KDM4C: variants seen among roughly 807,000 people sequenced by gnomAD.
The protein encoded by KDM4C is lysine demethylase 4C.
A neutral mutation model predicts 129.3 loss-of-function variants in KDM4C; 81 were observed. That is an observed-to-expected ratio of 0.63 (90% CI 0.52 to 0.75). The LOEUF is 0.75. KDM4C is among the 30% of genes least tolerant of loss of function. KDM4C has a pLI of 0.00. For synonymous variants in KDM4C, 573 were observed against 456.1 expected, an observed-to-expected ratio of 1.26 and a Z score of -3.26; for missense variants, 1,457 against 1,304.0, an observed-to-expected ratio of 1.12 and a Z score of -1.81.
chr9:7,026,351 C>G (rs938471191), intron 15 of KDM4C, among the ~76,000 whole-genome samples: 4 of 151,964 alleles, frequency 2.6e-5, no homozygotes, highest in African/African-American at 7.2e-5. Context: ...ACCAGATATA[C>G]TATTTTAGGG....
chr9:7,077,055 G>A, intron 17 of KDM4C: 2 of 985,450 alleles, frequency 2.0e-6, no homozygotes, highest in Non-Finnish European at 2.4e-6. Flanking sequence ...AACGTATTTT[G>A]AGTTTAGGTG....
intron 15 of KDM4C, among the ~76,000 whole-genome samples, chr9:7,021,354 AG>A (rs1373157364): frequency 1.3e-5 from 2 of 151,992 alleles, no homozygotes; most frequent in Non-Finnish European, 2.9e-5. Context: ...CATGTTGGCC[AG>A]GCTGGTCTCG....
intron 19 of KDM4C, among the ~76,000 whole-genome samples, chr9:7,151,972 G>A (rs1224614998): frequency 2.6e-5 from 4 of 152,202 alleles, no homozygotes; most frequent in African/African-American, 9.7e-5. Flanking sequence ...TTTAGGCTGC[G>A]AGATAACCTC....
intron 12 of KDM4C, among the ~76,000 whole-genome samples, chr9:6,991,022 A>T (rs919290433): frequency 2.0e-5 from 3 of 152,080 alleles, no homozygotes; most frequent in Admixed American, 2.0e-4. Flanking sequence ...GCTGGATGTA[A>T]CGCAGTTTCA....
intron 8 of KDM4C, among the ~76,000 whole-genome samples, chr9:6,940,821 C>T (rs59337249): frequency 1.3e-5 from 2 of 151,982 alleles, no homozygotes; most frequent in East Asian, 3.9e-4. Flanking sequence ...GATAATGTAC[C>T]CTTGATTCTA....
intron 3 of KDM4C, among the ~76,000 whole-genome samples, chr9:6,813,124 G>A (rs191878723): frequency 7.5e-4 from 114 of 152,174 alleles, no homozygotes; most frequent in South Asian, 1.5e-3. Flanking sequence ...TCAGTGAGCC[G>A]AGATCGTGCC....
intron 8 of KDM4C, among the ~76,000 whole-genome samples, chr9:6,894,812 T>C (rs1846602811): frequency 6.6e-6 from 1 of 152,180 alleles, no homozygotes; most frequent in Non-Finnish European, 1.5e-5. Flanking sequence ...TGTTGCACTG[T>C]GGTGGAGGAG....
intron 8 of KDM4C, among the ~76,000 whole-genome samples, chr9:6,894,049 G>GT (rs1410783083): frequency 6.6e-6 from 1 of 152,160 alleles, no homozygotes; most frequent in African/African-American, 2.4e-5. Flanking sequence ...TAAATAAAGC[G>GT]TATGTGGTCT....
chr9:7,041,270 T>A (rs373672708), intron 15 of KDM4C, among the ~76,000 whole-genome samples: 6 of 152,050 alleles, frequency 3.9e-5, no homozygotes, highest in Admixed American at 2.0e-4. Context: ...TTAAGTATTA[T>A]AAGTAATCTA....
intron 17 of KDM4C, among the ~76,000 whole-genome samples, chr9:7,088,868 G>C (rs1287893663): frequency 3.9e-5 from 6 of 152,186 alleles, no homozygotes; most frequent in African/African-American, 1.4e-4. Flanking sequence ...AAAAAAAGCT[G>C]TTTCCATAGC....
chr9:6,767,402 A>G (rs956947105), intron 1 of KDM4C, among the ~76,000 whole-genome samples: 8 of 151,070 alleles, frequency 5.3e-5, no homozygotes, highest in African/African-American at 2.0e-4. Flanking sequence ...CAGCCTCCCA[A>G]AGTGTTGGGA....
intron 17 of KDM4C, among the ~76,000 whole-genome samples, chr9:7,059,880 T>C (rs563950546): frequency 6.6e-6 from 1 of 152,260 alleles, no homozygotes; most frequent in South Asian, 2.1e-4. Context: ...TATATATTTT[T>C]AAAAATTTCC....
chr9:7,106,324 A>G (rs1010604810), intron 18 of KDM4C, among the ~76,000 whole-genome samples: 1 of 152,248 alleles, frequency 6.6e-6, no homozygotes, highest in African/African-American at 2.4e-5. Flanking sequence ...TGCTTCTTAG[A>G]GCAGAAACTG....
chr9:7,171,916 A>G (rs1352620687), intron 21 of KDM4C, among the ~76,000 whole-genome samples: 2 of 152,188 alleles, frequency 1.3e-5, no homozygotes, highest in Non-Finnish European at 2.9e-5. Flanking sequence ...CGGCTAAGCC[A>G]AGTAGAAAAT....
At chr9:6,884,233 G>T (rs575658548) in intron 6 of KDM4C, among the ~76,000 whole-genome samples, 3 of 152,102 alleles carry the variant, frequency 2.0e-5, no homozygotes, top group Non-Finnish European at 4.4e-5. Context: ...TAACCACTCC[G>T]TGAACGTTAG....
chr9:6,798,627 C>T (rs1278849872), intron 2 of KDM4C, among the ~76,000 whole-genome samples: 2 of 152,194 alleles, frequency 1.3e-5, no homozygotes, highest in African/African-American at 2.4e-5. Flanking sequence ...GAAAAGTCTC[C>T]CATGTCTACT....
intron 1 of KDM4C, among the ~76,000 whole-genome samples, chr9:6,787,536 G>C (rs1234633334): frequency 6.6e-6 from 1 of 152,222 alleles, no homozygotes; most frequent in Non-Finnish European, 1.5e-5. Flanking sequence ...CCCAGGCCCA[G>C]AGCCATTCTT....
intron 18 of KDM4C, among the ~76,000 whole-genome samples, chr9:7,106,766 G>T (rs1004134538): frequency 6.6e-6 from 1 of 152,070 alleles, no homozygotes; most frequent in African/African-American, 2.4e-5. Flanking sequence ...AAGTGCCGGA[G>T]TTGTAGGTGT....
chr9:7,073,459 A>T (rs977667572), intron 17 of KDM4C, among the ~76,000 whole-genome samples: 1 of 152,326 alleles, frequency 6.6e-6, no homozygotes, highest in Non-Finnish European at 1.5e-5. Flanking sequence ...CCCAACTCCC[A>T]TGTTCTCTCC....
Sources: allele counts gnomAD v4.1 joint callset (sites outside exome capture counted in the v4.1 genomes callset), GRCh38; gene constraint gnomAD v4.1.1; transcripts MANE v1.5; gene names NCBI Gene and HGNC (gene_info 2026-07-23, HGNC 2026-07-21).